Variants in WWP1 observed in about 807,000 individuals in gnomAD.
WWP1 encodes WW domain containing E3 ubiquitin protein ligase 1, also known as NEDD4-like E3 ubiquitin-protein ligase WWP1.
A neutral mutation model predicts 130.6 loss-of-function variants in WWP1; 49 were observed. The observed-to-expected ratio is 0.38, with a 90% confidence interval of 0.30 to 0.48. The LOEUF is 0.48. Ranked by LOEUF, WWP1 falls within the 20% of genes least tolerant of loss-of-function variation. WWP1 has a pLI of 0.99. For missense variants in WWP1, 809 were observed against 1,100.6 expected, an observed-to-expected ratio of 0.74 and a Z score of 3.75; for synonymous variants, 332 against 367.8, an observed-to-expected ratio of 0.90 and a Z score of 1.11.
At chr8:86,393,956 C>T (rs1253951630) in intron 5 of WWP1, among the ~76,000 whole-genome samples, 1 of 152,232 alleles carries the variant, frequency 6.6e-6, no homozygotes, top group African/African-American at 2.4e-5. Context: ...GGGAAATCAG[C>T]AACCATTGAG....
intron 7 of WWP1, among the ~76,000 whole-genome samples, chr8:86,401,161 T>A (rs1322018306): frequency 6.6e-6 from 1 of 152,100 alleles, no homozygotes; most frequent in African/African-American, 2.4e-5. Context: ...AATATTTAGC[T>A]TTTTTTGATC....
chr8:86,464,346 T>C (rs1434049580), intron 24 of WWP1, among the ~76,000 whole-genome samples: 2 of 152,114 alleles, frequency 1.3e-5, no homozygotes, highest in Non-Finnish European at 2.9e-5. Context: ...TAAAACAAAA[T>C]CACTCTTTCC....
chr8:86,423,656 C>G (rs1430355035), intron 9 of WWP1, among the ~76,000 whole-genome samples: 1 of 152,204 alleles, frequency 6.6e-6, no homozygotes, highest in Non-Finnish European at 1.5e-5. Flanking sequence ...TCTGATTTCT[C>G]TATCTTTTCC....
rs1243399358 is a variant in WWP1, at chr8:86,411,808, C to A, written c.995C>A (p.Pro332Gln). Reference protein sequence around the residue: ...SAFEAAKSRQPDGCMDPVRQQ... With the variant: ...SAFEAAKSRQQDGCMDPVRQQ... ...TTTGAAGCAGCCAAATCAAGACAGC[C>A]AGATGGGTGTATGGATCCTGTACGG... Residue 332 changes from proline to glutamine, a missense_variant, in exon 9 of 25, where the codon CCA (proline) becomes CAA (glutamine). Physicochemically the swap from Pro to Gln is moderately conservative, Grantham distance 76. Around this residue, in one of 3 missense-constraint regions of WWP1, gnomAD observed 97 missense variants for 80.4 expected, o/e 1.21. Coordinates refer to ENST00000517970, the MANE Select transcript of WWP1 (RefSeq NM_007013.4). The A allele has an allele frequency of 1.2e-6, 2 of 1,614,084 alleles. No individual in the cohort carries two copies. The highest frequency in any genetic ancestry group is 1.7e-6 in the Non-Finnish European group (2 of 1,180,018).
intron 5 of WWP1, among the ~76,000 whole-genome samples, chr8:86,388,160 T>C (rs78077445): frequency 5.6e-5 from 8 of 141,722 alleles, no homozygotes; most frequent in Non-Finnish European, 1.1e-4. Context: ...TATCTCTGCC[T>C]TTTTTTTTTT....
chr8:86,346,380 G>A (rs1248462222), intron 1 of WWP1, among the ~76,000 whole-genome samples: 4 of 151,986 alleles, frequency 2.6e-5, no homozygotes, highest in South Asian at 2.1e-4. Context: ...CCGAGATTGC[G>A]CCACTACACT....
At chr8:86,411,253 C>T (rs1405062654) in intron 8 of WWP1, among the ~76,000 whole-genome samples, 1 of 152,104 alleles carries the variant, frequency 6.6e-6, no homozygotes, top group Non-Finnish European at 1.5e-5. Context: ...AGGGAAAACA[C>T]TGGTTATCTT....
intron 1 of WWP1, among the ~76,000 whole-genome samples, chr8:86,365,206 G>T (rs764000465): frequency 2.6e-5 from 4 of 152,126 alleles, no homozygotes; most frequent in Non-Finnish European, 4.4e-5. Flanking sequence ...TAAGAATTGG[G>T]TATTCATACT....
chr8:86,448,504 A>C lies in WWP1; in HGVS notation c.2264A>C (p.Glu755Ala), dbSNP rs1445309594. 6.2e-7 allele frequency: 1 copy of C among 1,613,204 alleles called. No homozygotes were observed. Among genetic ancestry groups the C allele is most frequent in the Non-Finnish European group, 8.5e-7 (1 of 1,179,732 alleles). ...CTGGTGACTGAGGAGAACAAAGATG[A>C]ATATATTGGGTAAGGTGATATACCT... ...NILVTEENKD[E>A]YIGLMTEWRF... is the part of the protein sequence containing the mutation. The change falls in exon 20 of 25, where the codon GAA becomes GCA. Residue 755 changes from glutamate (E) to alanine (A), a missense_variant. By Grantham distance (107) the Glu-to-Ala change is moderately radical. Around this residue, in one of 3 missense-constraint regions of WWP1, gnomAD observed 450 missense variants for 674.2 expected, o/e 0.67. Transcript: ENST00000517970.
At chr8:86,419,263 C>T (rs577901394) in intron 9 of WWP1, among the ~76,000 whole-genome samples, 1 of 152,052 alleles carries the variant, frequency 6.6e-6, no homozygotes, top group Non-Finnish European at 1.5e-5. Flanking sequence ...ACTAAAAATA[C>T]AAAAATTAGC....
intron 1 of WWP1, among the ~76,000 whole-genome samples, chr8:86,345,255 T>G (rs1822506196): frequency 6.6e-6 from 1 of 152,228 alleles, no homozygotes. Flanking sequence ...AGCATATGTG[T>G]GCTACTTTAC....
At chr8:86,460,079 A>G (rs1216900654) in intron 22 of WWP1, among the ~76,000 whole-genome samples, 1 of 152,190 alleles carries the variant, frequency 6.6e-6, no homozygotes, top group African/African-American at 2.4e-5. Flanking sequence ...GCTTTCTGTT[A>G]TACTCAAACC....
chr8:86,372,372 C>A (rs1003546966), intron 2 of WWP1, among the ~76,000 whole-genome samples: 1 of 152,116 alleles, frequency 6.6e-6, no homozygotes. Context: ...GTTGGCCAGG[C>A]GGGTCTTGAA....
intron 1 of WWP1, among the ~76,000 whole-genome samples, chr8:86,352,414 G>T (rs1469361886): frequency 6.6e-6 from 1 of 151,886 alleles, no homozygotes; most frequent in Non-Finnish European, 1.5e-5. Flanking sequence ...TAGTAGAGAC[G>T]GGATTTTACC....
rs184000101 is a variant in WWP1 at position 86,385,433 on chromosome 8, A to G, written c.334+3804A>G. On this transcript the variant is annotated intron_variant, in intron 5 of 24. Transcript: ENST00000517970. Reference sequence around the variant, plus strand: ...ACAGCGAAAGACAATCTAGCTCTTCAGGAAGAACCCGGGATCTAGCATGCA... The same window carrying G: ...ACAGCGAAAGACAATCTAGCTCTTCGGGAAGAACCCGGGATCTAGCATGCA... Among the ~76,000 whole-genome samples, 144 of 152,300 alleles carry G rather than the reference A, an allele frequency of 9.5e-4. 1 individual carries two copies. The highest frequency in any genetic ancestry group is 3.3e-3 in the African/African-American group (138 of 41,568).
intron 1 of WWP1, among the ~76,000 whole-genome samples, chr8:86,349,800 A>G (rs1334191702): frequency 3.3e-5 from 5 of 151,854 alleles, no homozygotes; most frequent in Non-Finnish European, 7.4e-5. Flanking sequence ...ACAGGACCCA[A>G]GAGTCCATGC....
At chr8:86,375,935 A>G (rs1305938005) in intron 3 of WWP1, among the ~76,000 whole-genome samples, 1 of 152,228 alleles carries the variant, frequency 6.6e-6, no homozygotes, top group Non-Finnish European at 1.5e-5. Flanking sequence ...TCTGTTGTCA[A>G]GCTTTGGGAT....
At chr8:86,451,214 TAAAAAAAAAAA>T (rs61141803) in intron 20 of WWP1, among the ~76,000 whole-genome samples, 89 of 43,664 alleles carry the variant, frequency 2.0e-3, no homozygotes, top group African/African-American at 6.5e-3. Flanking sequence ...CCTATGTTAT[TAAAAAAAAAAA>T]AAAAAAAAAA....
intron 9 of WWP1, among the ~76,000 whole-genome samples, 198 bp downstream of exon 9, chr8:86,412,072 A>ATATG (rs1403008859): frequency 2.0e-5 from 3 of 152,340 alleles, no homozygotes; most frequent in South Asian, 4.1e-4. Flanking sequence ...TGGTTGACAT[A>ATATG]TATGTAGTAC....
Sources: gnomAD v4.1 joint callset for allele counts (sites outside exome capture counted in the v4.1 genomes callset) on GRCh38, gnomAD v4.1.1 for gene constraint, gnomAD v4.1.1 regional missense constraint, MANE v1.5 for transcripts, NCBI Gene and HGNC (gene_info 2026-07-23, HGNC 2026-07-21) for gene names.